The following HMMR variants were observed in gnomAD, a reference collection of about 807,000 sequenced individuals.
HMMR encodes hyaluronan mediated motility receptor.
Under a neutral mutation model 101.0 loss-of-function variants are expected in HMMR, and 108 were observed. The observed-to-expected ratio is 1.07, with a 90% CI of 0.92 to 1.25. The LOEUF is 1.25. Ranked by LOEUF, HMMR falls within the 50% of genes most tolerant of loss-of-function variation. The probability of loss-of-function intolerance (pLI) is 0.00; values close to 1 mark genes in which losing one functional copy is unlikely to be tolerated. For missense variants in HMMR, 813 were observed against 788.7 expected (o/e 1.03, Z -0.37); for synonymous variants, 296 against 276.4 (o/e 1.07, Z -0.70).
intron 16 of HMMR, among the ~76,000 whole-genome samples, chr5:163,488,819 G>A (rs1190223619): frequency 6.6e-6 from 1 of 152,186 alleles, no homozygotes; most frequent in African/African-American, 2.4e-5. Context: ...CGAGAGCAGT[G>A]CTGGATATTT....
intron 3 of HMMR, among the ~76,000 whole-genome samples, chr5:163,466,362 A>G (rs1208492990): frequency 6.6e-6 from 1 of 152,214 alleles, no homozygotes; most frequent in Non-Finnish European, 1.5e-5. Context: ...TTGTTCATTC[A>G]TTTGGCAGTT....
At chr5:163,473,314 A>G (rs1758956675) in intron 8 of HMMR, 61 bp downstream of exon 8, 2 of 1,506,054 alleles carry the variant, frequency 1.3e-6, no homozygotes, top group African/African-American at 1.4e-5. Flanking sequence ...CATTTTCATC[A>G]TTTTTCTGTT....
In HMMR at chr5:163,478,732, C is replaced by A. The variant is rs752077569; in HGVS notation, c.1317C>A (p.Thr439=). ...EKSSAAHTQA[T]LLLQEKYDSM... is the part of the protein sequence containing the mutation. ...GTAGTGCTGCTCATACCCAGGCCAC[C>A]CTGCTTTTGCAGGAAAAGTATGACA... is the stretch of plus-strand genomic sequence containing the variant. The change falls in exon 12 of 18, where the codon ACC becomes ACA. Residue 439 remains threonine (T), a synonymous_variant. Transcript: ENST00000393915. 1.2e-6 allele frequency: 2 copies of A among 1,613,542 alleles called. No homozygotes were observed. The highest frequency in any genetic ancestry group is 2.2e-5 in the East Asian group (1 of 44,866).
chr5:163,467,849 G>A lies in HMMR; in HGVS notation c.273+101G>A, dbSNP rs946021726. On this transcript the variant is annotated intron_variant, in intron 4 of 17. Transcript: ENST00000393915. The stretch of plus-strand genomic sequence containing the variant: ...CTGTTGCAGTGTGAGGAGTCCTGCA[G>A]TGAGGCAAACATGCCATCCAGAACA... 6 of 711,412 alleles carry A rather than the reference G, an allele frequency of 8.4e-6. No individual in the cohort carries two copies. The African/African-American group carries it at 1.1e-4, about 13-fold the overall frequency. 44.1% of individuals were successfully genotyped at this position (711,412 alleles called of 1,614,324 possible). A position where few individuals can be genotyped will look rare whatever the true frequency, so the allele number is the denominator to read the frequency against.
At chr5:163,484,498 T>G (rs1411284697) in intron 16 of HMMR, among the ~76,000 whole-genome samples, 1 of 152,176 alleles carries the variant, frequency 6.6e-6, no homozygotes, top group Non-Finnish European at 1.5e-5. Context: ...AAGCTTTACA[T>G]ATCTATTTCC....
At chr5:163,461,632 A>T (rs1758536981) in intron 1 of HMMR, among the ~76,000 whole-genome samples, 1 of 151,918 alleles carries the variant, frequency 6.6e-6, no homozygotes, top group Non-Finnish European at 1.5e-5. Flanking sequence ...AATACAAAAA[A>T]AATTAGCCAG....
rs752911379 is a variant in HMMR, at chr5:163,463,892, C to CT, written c.86dup (p.Leu29PhefsTer17). 4 of 1,495,156 alleles carry CT rather than the reference C, an allele frequency of 2.7e-6. No individual in the cohort carries two copies. Among genetic ancestry groups the CT allele is most frequent in the Non-Finnish European group, 3.6e-6 (4 of 1,120,694 alleles). 92.6% of individuals were successfully genotyped at this position (1,495,156 alleles called of 1,614,324 possible). ...TCTCCAGGTGCTTATGATGTTAAAA[C>CT]TTTAGAAGTATTGAAAGGACCAGTA... is the stretch of plus-strand genomic sequence containing the variant. On this transcript the variant is annotated frameshift_variant, in exon 2 of 18. Coordinates refer to ENST00000393915, the MANE Select transcript of HMMR (RefSeq NM_001142556.2). LOFTEE classifies it high-confidence loss of function.
chr5:163,472,091 C>G (rs889155545), intron 7 of HMMR, among the ~76,000 whole-genome samples: 1 of 150,648 alleles, frequency 6.6e-6, no homozygotes. Flanking sequence ...CTTTGTTACT[C>G]AGGCTGGTCT....
At chr5:163,475,693 A>C in intron 11 of HMMR, 21 bp downstream of exon 11, 1,643 of 1,252,638 alleles carry the variant, frequency 1.3e-3, no homozygotes, top group Non-Finnish European at 1.7e-3. Flanking sequence ...ATAGGATCTC[A>C]TGTTTATGTA....
intron 1 of HMMR, among the ~76,000 whole-genome samples, chr5:163,462,483 T>A (rs542374939): frequency 6.6e-6 from 1 of 152,226 alleles, no homozygotes; most frequent in South Asian, 2.1e-4. Context: ...TTGCAGCATA[T>A]GAGTCATGCT....
rs1371345916 is a variant in HMMR at position 163,467,831 on chromosome 5, A to C, written c.273+83A>C. 3 of 849,370 alleles carry C rather than the reference A, an allele frequency of 3.5e-6. No homozygotes were observed. The Admixed American group carries it at 6.2e-5, about 18-fold the overall frequency. The allele number at this position is 849,370 out of a possible 1,614,324, so 52.6% of individuals were successfully genotyped here. A position where few individuals can be genotyped will look rare whatever the true frequency, so the allele number is the denominator to read the frequency against. Reference sequence around the variant, plus strand: ...ATTTAAGAGATAAGGATTCTGTTGCAGTGTGAGGAGTCCTGCAGTGAGGCA... The same window carrying C: ...ATTTAAGAGATAAGGATTCTGTTGCCGTGTGAGGAGTCCTGCAGTGAGGCA... On this transcript the variant is annotated intron_variant, in intron 4 of 17. Transcript: ENST00000393915.
At chr5:163,473,095 C>A in intron 7 of HMMR, 84 bp from the exon 8 acceptor site, 1 of 696,128 alleles carries the variant, frequency 1.4e-6, no homozygotes, top group Non-Finnish European at 2.5e-6. Context: ...CTGCCTGATA[C>A]AGGAGTATCT....
rs989371412 is a variant in HMMR at position 163,490,950 on chromosome 5, G to A, written c.2126-162G>A. ...TTGACTGTGAATGTTTGTCTTTCAC[G>A]ATAAATTAAAGTTGGTTGAAATGAT... On this transcript the variant is annotated intron_variant, in intron 17 of 17. Transcript: ENST00000393915. Among the ~76,000 whole-genome samples, 14 of 152,108 alleles carry A rather than the reference G, an allele frequency of 9.2e-5. No homozygotes were observed. The South Asian group carries it at 1.7e-3, about 18-fold the overall frequency.
At chr5:163,474,235 T>C in intron 10 of HMMR, 30 bp downstream of exon 10, 1 of 1,559,472 alleles carries the variant, frequency 6.4e-7, no homozygotes, top group Non-Finnish European at 8.8e-7. Flanking sequence ...TTTTAAACTG[T>C]TCATTTTGTG....
At position 163,460,691 on chromosome 5, in the gene HMMR, ACATGTC is replaced by A. The variant is rs1229389434; in HGVS notation, c.1_6del (p.MetSer1_?2). 1.9e-6 allele frequency: 3 copies of A among 1,605,634 alleles called. No individual in the cohort carries two copies. The Admixed American group carries it at 5.1e-5, about 27-fold the overall frequency. On this transcript the variant is annotated start_lost and 5_prime_UTR_variant, in exon 1 of 18. Transcript: ENST00000393915. ...CTTCAGTTTCTGGAGCTGGCCGTCA[ACATGTC>A]CTTTCCTAAGGCGCCCTTGAAACGA...
Position 163,490,553 on chromosome 5 carries a change from G to A in HMMR, c.2125+1G>A, listed in dbSNP as rs1759659303. On this transcript the variant is annotated splice_donor_variant, in intron 17 of 17. Coordinates refer to ENST00000393915, the MANE Select transcript of HMMR (RefSeq NM_001142556.2). LOFTEE classifies it high-confidence loss of function. ...GCCCTGAAGACCCCATTAAAAGAAG[G>A]TAAGACATGAATAAATGTATAAAAG... 1.3e-6 allele frequency: 2 copies of A among 1,584,784 alleles called. No individual in the cohort carries two copies. Among genetic ancestry groups the A allele is most frequent in the Non-Finnish European group, 1.7e-6 (2 of 1,167,164 alleles).
In HMMR at chr5:163,467,697, A is replaced by G. The variant is rs1235517851; in HGVS notation, c.226-4A>G. The G allele has an allele frequency of 5.9e-6, 9 of 1,517,254 alleles. No individual in the cohort carries two copies. Among genetic ancestry groups the G allele is most frequent in the Non-Finnish European group, 8.2e-6 (9 of 1,096,564 alleles). 94.0% of individuals were successfully genotyped at this position (1,517,254 alleles called of 1,614,324 possible). The stretch of plus-strand genomic sequence containing the variant: ...GCTTATAAGTTTTTTTGGCTTTTAA[A>G]CAGAAGGAATCTCAAAAGAATGATA... On this transcript the variant is annotated splice_polypyrimidine_tract_variant and splice_region_variant and intron_variant, in intron 3 of 17. Coordinates refer to ENST00000393915, the MANE Select transcript of HMMR (RefSeq NM_001142556.2).
chr5:163,483,805 T>C (rs902322202), intron 15 of HMMR, among the ~76,000 whole-genome samples: 2 of 152,146 alleles, frequency 1.3e-5, no homozygotes, highest in African/African-American at 4.8e-5. Context: ...GTATTGGTTA[T>C]AATGTGGTAA....
chr5:163,462,318 A>G (rs1195724868), intron 1 of HMMR, among the ~76,000 whole-genome samples: 2 of 151,398 alleles, frequency 1.3e-5, no homozygotes, highest in African/African-American at 4.9e-5. Context: ...GTGATTTTTC[A>G]TATTCCAGTA....
Sources: gnomAD v4.1 joint callset for allele counts (sites outside exome capture counted in the v4.1 genomes callset) on GRCh38, gnomAD v4.1.1 for gene constraint, MANE v1.5 for transcripts, NCBI Gene and HGNC (gene_info 2026-07-23, HGNC 2026-07-21) for gene names.